The following COL5A1 variants were observed in gnomAD, a reference collection of about 807,000 sequenced individuals.
COL5A1 encodes collagen alpha-1(V) chain.
Under a neutral mutation model 263.7 loss-of-function variants are expected in COL5A1, and 16 were observed. That is an observed-to-expected ratio of 0.06 (90% CI 0.04 to 0.09). The LOEUF (loss-of-function observed/expected upper bound fraction) is 0.09. COL5A1 is among the 10% of genes least tolerant of loss of function. The pLI is 1.00. For synonymous variants in COL5A1, 1,012 were observed against 1,004.5 expected, an observed-to-expected ratio of 1.01 and a Z score of -0.14; for missense variants, 2,036 against 2,540.5, an observed-to-expected ratio of 0.80 and a Z score of 4.27.
chr9:134,657,922 G>A (rs1832072661), intron 1 of COL5A1, among the ~76,000 whole-genome samples: 1 of 151,946 alleles, frequency 6.6e-6, no homozygotes. Context: ...GTCACAGGCT[G>A]GTGAGGAGTG....
In COL5A1 at chr9:134,742,897, G is replaced by C. The variant is rs563698931; in HGVS notation, c.1494+4089G>C. Among the ~76,000 whole-genome samples, 14 of 152,318 alleles carry C rather than the reference G, an allele frequency of 9.2e-5. 1 individual carries two copies. Among genetic ancestry groups the C allele is most frequent in the African/African-American group, 3.4e-4 (14 of 41,582 alleles). ...GGGCTCCTCGGGCAGGTGGGGGAAGGAGAGGGCTGGGGACCATCAGTAAAG... is the reference window on the plus strand; with the variant it reads ...GGGCTCCTCGGGCAGGTGGGGGAAGCAGAGGGCTGGGGACCATCAGTAAAG... On this transcript the variant is annotated intron_variant, in intron 11 of 65. Coordinates refer to ENST00000371817, the MANE Select transcript of COL5A1 (RefSeq NM_000093.5). This position sits in a 1 kb window ranked among gnomAD's most constrained non-coding sequence, Gnocchi z 4.6.
chr9:134,687,185 C>T (rs543201728), intron 1 of COL5A1, among the ~76,000 whole-genome samples: 1 of 152,260 alleles, frequency 6.6e-6, no homozygotes, highest in East Asian at 1.9e-4. Context: ...GGGATATGGC[C>T]CTGCTGGCTG....
In COL5A1 at chr9:134,813,989, C is replaced by A. The variant is rs1162388207; in HGVS notation, c.3859C>A (p.Pro1287Thr). Residue 1287 changes from proline to threonine, a missense_variant, in exon 49 of 66, where the codon CCT becomes ACT. Physicochemically the swap from Pro to Thr is conservative, Grantham distance 38. Coordinates refer to ENST00000371817, the MANE Select transcript of COL5A1 (RefSeq NM_000093.5). Reference protein sequence around the residue: ...NPGAVGEKGEPGEAGEPGLPG... With the variant: ...NPGAVGEKGETGEAGEPGLPG... Reference sequence around the variant, plus strand: ...ACATGCACTGTCTCCCTAGGGCGAGCCTGGCGAAGCAGGTGAGCCTGGCCT... The same window carrying A: ...ACATGCACTGTCTCCCTAGGGCGAGACTGGCGAAGCAGGTGAGCCTGGCCT... 14 of 1,551,036 alleles carry A rather than the reference C, an allele frequency of 9.0e-6. No homozygotes were observed. The South Asian group carries it at 1.7e-4, about 18-fold the overall frequency.
chr9:134,705,338 T>A (rs1212906559), intron 4 of COL5A1, among the ~76,000 whole-genome samples: 1 of 152,220 alleles, frequency 6.6e-6, no homozygotes. Context: ...GGAGCCTGAG[T>A]GTGTGGCTTT....
rs1347186951 is a variant in COL5A1 at position 134,754,691 on chromosome 9, G to A, written c.1827+365G>A. The stretch of plus-strand genomic sequence containing the variant: ...TGGGACTCCAGAAATGGCCTGATTC[G>A]GGGGCATGGGCGGGCCTTCCTGCGC... On this transcript the variant is annotated intron_variant, in intron 16 of 65. Transcript: ENST00000371817. This position sits in a 1 kb window ranked among gnomAD's most constrained non-coding sequence, Gnocchi z 4.3. Among the ~76,000 whole-genome samples the A allele has an allele frequency of 6.6e-6, 1 of 152,176 alleles. No individual in the cohort carries two copies. The highest frequency in any genetic ancestry group is 1.9e-4 in the East Asian group (1 of 5,194).
chr9:134,817,519 G>A (rs1465922175), intron 53 of COL5A1, among the ~76,000 whole-genome samples: 1 of 152,208 alleles, frequency 6.6e-6, no homozygotes, highest in East Asian at 1.9e-4. Context: ...CTCCCCACGT[G>A]GCCTGAGAGG....
intron 27 of COL5A1, among the ~76,000 whole-genome samples, chr9:134,775,346 C>T (rs1837014097): frequency 2.6e-5 from 4 of 152,268 alleles, no homozygotes; most frequent in Admixed American, 2.6e-4. Flanking sequence ...CAGCCATTTG[C>T]ACATTCCGAG....
chr9:134,765,836 T>A lies in COL5A1; in HGVS notation c.2088+102T>A. 2 of 932,804 alleles carry A rather than the reference T, an allele frequency of 2.1e-6. No homozygotes were observed. The highest frequency in any genetic ancestry group is 3.3e-6 in the Non-Finnish European group (2 of 604,104). 57.8% of individuals were successfully genotyped at this position (932,804 alleles called of 1,614,324 possible). The stretch of plus-strand genomic sequence containing the variant: ...GGGCACTGGGGCAGCAAGTCCGTGC[T>A]GGCCCCTCTGGCGCCTGCCTGCTGC... On this transcript the variant is annotated intron_variant, in intron 21 of 65. Transcript: ENST00000371817. This position sits in a 1 kb window ranked among gnomAD's most constrained non-coding sequence, Gnocchi z 5.1.
At chr9:134,814,075 C>G in intron 49 of COL5A1, 39 bp downstream of exon 49, 3 of 1,544,662 alleles carry the variant, frequency 1.9e-6, no homozygotes, top group Non-Finnish European at 2.6e-6. Context: ...GGGATATGGC[C>G]GAGCGGGTGT....
At chr9:134,798,313 C>T in intron 36 of COL5A1, 95 bp from the exon 37 acceptor site, 1 of 1,136,616 alleles carries the variant, frequency 8.8e-7, no homozygotes, top group Non-Finnish European at 1.3e-6. Flanking sequence ...GGGCAGGAGC[C>T]ATGGAAATAA....
In COL5A1 at chr9:134,818,883, C is replaced by T. The variant is rs201335857; in HGVS notation, c.4374C>T (p.Asp1458=). The T allele has an allele frequency of 5.3e-5, 85 of 1,612,954 alleles. No individual in the cohort carries two copies. In the East Asian group the frequency reaches 9.1e-4, roughly 17 times the overall value. Residue 1458 remains aspartate (D), a synonymous_variant, in exon 56 of 66, where the codon GAC becomes GAT. Transcript: ENST00000371817. This position sits in a 1 kb window ranked among gnomAD's most constrained non-coding sequence, Gnocchi z 6.0. Reference sequence around the variant, plus strand: ...GTCTCCCAGGATCCCCAGGCCCGGACGGTCCCCCCGGCCCCATGGTGAGTC... The same window carrying T: ...GTCTCCCAGGATCCCCAGGCCCGGATGGTCCCCCCGGCCCCATGGTGAGTC... The part of the protein sequence containing the change: ...EQGLPGSPGP[D]GPPGPMGPPG...
At chr9:134,760,293 C>CA (rs1564439881) in intron 18 of COL5A1, among the ~76,000 whole-genome samples, 1 of 102,222 alleles carries the variant, frequency 9.8e-6, no homozygotes, top group Admixed American at 9.7e-5. Flanking sequence ...GCACACACCC[C>CA]CACACCCCCC....
intron 4 of COL5A1, among the ~76,000 whole-genome samples, chr9:134,706,269 T>C (rs7468140): frequency 0.5 from 76,118 of 152,104 alleles, 19,426 homozygotes; most frequent in Admixed American, 0.64. Flanking sequence ...CATTGCTCCC[T>C]AAGCCCCAGG....
At chr9:134,744,538 C>A (rs1835413447) in intron 11 of COL5A1, among the ~76,000 whole-genome samples, 1 of 151,938 alleles carries the variant, frequency 6.6e-6, no homozygotes, top group Non-Finnish European at 1.5e-5. Flanking sequence ...TGCACACTCA[C>A]ACCCACACAT....
rs935674485 is a variant in COL5A1, at chr9:134,696,340, A to AT, written c.278-3561dup. 4.6e-5 allele frequency among the ~76,000 whole-genome samples: 7 copies of AT among 151,850 alleles called. No individual in the cohort carries two copies. The highest frequency in any genetic ancestry group is 2.1e-4 in the South Asian group (1 of 4,802). The stretch of plus-strand genomic sequence containing the variant: ...AGGTGTGTGCCACCACACCCGGCTA[A>AT]TTTTTTTTATATTTTTGGCAGAGAC... On this transcript the variant is annotated intron_variant, in intron 2 of 65. Transcript: ENST00000371817. This position sits in a 1 kb window ranked among gnomAD's most constrained non-coding sequence, Gnocchi z 4.3.
At chr9:134,761,801 T>C in intron 18 of COL5A1, 124 bp from the exon 19 acceptor site, 1 of 990,416 alleles carries the variant, frequency 1.0e-6, no homozygotes, top group South Asian at 1.3e-5. Flanking sequence ...TCCCCCATTC[T>C]GGAAGGGTCT....
chr9:134,702,048 G>A (rs1046494344), intron 4 of COL5A1, among the ~76,000 whole-genome samples: 4 of 152,170 alleles, frequency 2.6e-5, no homozygotes, highest in African/African-American at 9.6e-5. Context: ...GAGTCACCAG[G>A]AGCCTGTAGG....
At chr9:134,782,565 G>C (rs779270821) in intron 28 of COL5A1, 102 bp from the exon 29 acceptor site, 1 of 1,115,454 alleles carries the variant, frequency 9.0e-7, no homozygotes, top group African/African-American at 1.5e-5. Flanking sequence ...CCCCAAGCGT[G>C]GGGGACCTGG....
chr9:134,827,024 C>A (rs1477053790), intron 63 of COL5A1, among the ~76,000 whole-genome samples: 1 of 152,302 alleles, frequency 6.6e-6, no homozygotes, highest in African/African-American at 2.4e-5. Flanking sequence ...AGCTCTCGTG[C>A]CCCTGCATCA....
Sources: allele counts gnomAD v4.1 joint callset (sites outside exome capture counted in the v4.1 genomes callset), GRCh38; gene constraint gnomAD v4.1.1; non-coding constraint Gnocchi (gnomAD v3.1); transcripts MANE v1.5; gene names NCBI Gene and HGNC (gene_info 2026-07-23, HGNC 2026-07-21).